DTNA: variants seen among roughly 807,000 people sequenced by gnomAD.
DTNA encodes the protein dystrobrevin alpha, also known as dystrophin-related protein 3.
A neutral mutation model predicts 100.7 loss-of-function variants in DTNA; 43 were observed. That is an observed-to-expected ratio of 0.43 (90% CI 0.33 to 0.55). DTNA has a LOEUF of 0.55. Ranked by LOEUF, DTNA falls within the 20% of genes least tolerant of loss-of-function variation. DTNA has a pLI of 0.04. For synonymous variants in DTNA, 349 were observed against 347.9 expected (o/e 1.00, Z -0.04); for missense variants, 798 against 953.9 (o/e 0.84, Z 2.15).
intron 1 of DTNA, among the ~76,000 whole-genome samples, chr18:34,741,526 A>T (rs901892876): frequency 6.6e-6 from 1 of 152,180 alleles, no homozygotes; most frequent in Non-Finnish European, 1.5e-5. Context: ...AGGAAACTCG[A>T]GATTCAAAAG....
rs2092751884 is a variant in DTNA at position 34,756,124 on chromosome 18, A to G, written c.67+81A>G. The stretch of plus-strand genomic sequence containing the variant: ...AGGCTAGAAATAACCATTTATCTTT[A>G]TGATATTTGTACTTTTCCTTAGGAT... On this transcript the variant is annotated intron_variant, in intron 2 of 22. Transcript: ENST00000444659. The G allele has an allele frequency of 2.0e-6, 3 of 1,480,570 alleles. No individual in the cohort carries two copies. The East Asian group carries it at 7.2e-5, about 35-fold the overall frequency. 91.7% of individuals were successfully genotyped at this position (1,480,570 alleles called of 1,614,324 possible).
At chr18:34,625,126 C>T (rs2147961771) in intron 1 of DTNA, among the ~76,000 whole-genome samples, 1 of 152,220 alleles carries the variant, frequency 6.6e-6, no homozygotes, top group Non-Finnish European at 1.5e-5. Context: ...TCTCCACCAC[C>T]CTGGTTCAAG....
chr18:34,787,575 C>G (rs1461157300), intron 3 of DTNA, among the ~76,000 whole-genome samples: 2 of 152,176 alleles, frequency 1.3e-5, no homozygotes, highest in Non-Finnish European at 1.5e-5. Flanking sequence ...CCATCTCTAT[C>G]TAGATATAAC....
intron 1 of DTNA, among the ~76,000 whole-genome samples, chr18:34,689,909 C>A (rs1345011448): frequency 6.6e-6 from 1 of 152,186 alleles, no homozygotes; most frequent in African/African-American, 2.4e-5. Flanking sequence ...GTGGGCCCCA[C>A]CCAGTCTGAA....
intron 1 of DTNA, among the ~76,000 whole-genome samples, chr18:34,652,726 C>G (rs1336038131): frequency 2.0e-5 from 3 of 152,140 alleles, no homozygotes; most frequent in African/African-American, 7.2e-5. Flanking sequence ...TCCTAATATC[C>G]TAAACGTGCC....
chr18:34,612,441 A>G (rs2054408668), intron 1 of DTNA, among the ~76,000 whole-genome samples: 1 of 152,106 alleles, frequency 6.6e-6, no homozygotes, highest in South Asian at 2.1e-4. Context: ...GATTAAGGGG[A>G]CAGAAGGAGA....
chr18:34,612,882 A>G (rs1382677108), intron 1 of DTNA, among the ~76,000 whole-genome samples: 2 of 152,200 alleles, frequency 1.3e-5, no homozygotes, highest in African/African-American at 2.4e-5. Flanking sequence ...GCCAATCATA[A>G]TGAGTCCACC....
intron 1 of DTNA, among the ~76,000 whole-genome samples, chr18:34,620,908 GA>G (rs981002119): frequency 1.3e-5 from 2 of 152,002 alleles, no homozygotes; most frequent in Admixed American, 1.3e-4. Context: ...TTGCATAGTT[GA>G]AATTTTTTCT....
chr18:34,812,166 CCTT>C (rs2095498520), intron 6 of DTNA, 53 bp downstream of exon 6: 1 of 1,609,946 alleles, frequency 6.2e-7, no homozygotes, highest in Non-Finnish European at 8.5e-7. Flanking sequence ...TGGTTGCTCT[CCTT>C]CTAGATGTCA....
At chr18:34,538,266 G>T (rs12954757) in intron 1 of DTNA, among the ~76,000 whole-genome samples, 2 of 152,170 alleles carry the variant, frequency 1.3e-5, no homozygotes, top group African/African-American at 4.8e-5. Context: ...AACAGACACT[G>T]TGGGGTTGGG....
intron 1 of DTNA, among the ~76,000 whole-genome samples, chr18:34,543,372 C>T (rs2044442446): frequency 6.6e-6 from 1 of 151,986 alleles, no homozygotes; most frequent in African/African-American, 2.4e-5. Flanking sequence ...TCTTTCAGCA[C>T]ACAATAGATC....
At chr18:34,554,271 T>G (rs1568641848) in intron 1 of DTNA, among the ~76,000 whole-genome samples, 1 of 139,900 alleles carries the variant, frequency 7.1e-6, no homozygotes, top group South Asian at 2.3e-4. Context: ...AAGGAGATTT[T>G]GGGCTGAGAC....
At chr18:34,862,164 C>T (rs2096638090) in intron 16 of DTNA, among the ~76,000 whole-genome samples, 1 of 149,992 alleles carries the variant, frequency 6.7e-6, no homozygotes, top group Non-Finnish European at 1.5e-5. Context: ...AAGAACACCT[C>T]CTGAATTTGT....
chr18:34,841,060 T>C (rs961442138), intron 13 of DTNA, among the ~76,000 whole-genome samples: 3 of 151,618 alleles, frequency 2.0e-5, no homozygotes, highest in Non-Finnish European at 3.0e-5. Flanking sequence ...CAGAGCCTTG[T>C]ATACATAATT....
intron 1 of DTNA, among the ~76,000 whole-genome samples, chr18:34,723,936 GAAAAATATT>G (rs2085980027): frequency 6.6e-6 from 1 of 151,892 alleles, no homozygotes; most frequent in Non-Finnish European, 1.5e-5. Context: ...AAAAAACTAT[GAAAAATATT>G]AAACTTCACT....
chr18:34,786,618 TATAC>T (rs1382698055), intron 3 of DTNA, among the ~76,000 whole-genome samples: 1 of 152,008 alleles, frequency 6.6e-6, no homozygotes, highest in African/African-American at 2.4e-5. Context: ...TGCGCATGGA[TATAC>T]ACACACACAC....
intron 21 of DTNA, among the ~76,000 whole-genome samples, chr18:34,884,488 T>C (rs530947238): frequency 1.3e-5 from 2 of 151,864 alleles, no homozygotes; most frequent in Admixed American, 1.3e-4. Flanking sequence ...GCTGGGAGAC[T>C]ATAACAGGCC....
chr18:34,541,301 C>A (rs925794767), intron 1 of DTNA, among the ~76,000 whole-genome samples: 5 of 151,950 alleles, frequency 3.3e-5, no homozygotes, highest in African/African-American at 1.2e-4. Context: ...AAAAGAGAAC[C>A]ATTTCAGCTA....
At chr18:34,620,464 C>G (rs1025911875) in intron 1 of DTNA, among the ~76,000 whole-genome samples, 2 of 152,120 alleles carry the variant, frequency 1.3e-5, no homozygotes, top group African/African-American at 2.4e-5. Flanking sequence ...GTGCGAAATA[C>G]AGCTTACTCA....
Sources: allele counts gnomAD v4.1 joint callset (sites outside exome capture counted in the v4.1 genomes callset), GRCh38; gene constraint gnomAD v4.1.1; transcripts MANE v1.5; gene names NCBI Gene and HGNC (gene_info 2026-07-23, HGNC 2026-07-21).